Variants in GALNTL6 observed in about 807,000 individuals in gnomAD.
The protein encoded by GALNTL6 is polypeptide N-acetylgalactosaminyltransferase-like 6.
A neutral mutation model predicts 73.7 loss-of-function variants in GALNTL6; 46 were observed. That is an observed-to-expected ratio of 0.62 (90% CI 0.49 to 0.80). The LOEUF (loss-of-function observed/expected upper bound fraction) is 0.80. GALNTL6 is among the 30% of genes least tolerant of loss of function. The probability of loss-of-function intolerance (pLI) is 0.00; values close to 1 mark genes in which losing one functional copy is unlikely to be tolerated. For synonymous variants in GALNTL6, 259 were observed against 263.7 expected, an observed-to-expected ratio of 0.98 and a Z score of 0.17; for missense variants, 604 against 755.0, an observed-to-expected ratio of 0.80 and a Z score of 2.34.
At chr4:172,811,995 T>C (rs1741326856) in intron 6 of GALNTL6, among the ~76,000 whole-genome samples, 1 of 146,418 alleles carries the variant, frequency 6.8e-6, no homozygotes, top group Non-Finnish European at 1.5e-5. Context: ...ATGAAAAGAA[T>C]GACTGGATGG....
At chr4:172,481,089 C>T (rs1028167244) in intron 5 of GALNTL6, among the ~76,000 whole-genome samples, 8 of 152,108 alleles carry the variant, frequency 5.3e-5, no homozygotes, top group Non-Finnish European at 1.0e-4. Context: ...GTGGTGTGTC[C>T]GGAGTTTGTT....
At chr4:172,973,020 C>G (rs1750650878) in intron 10 of GALNTL6, among the ~76,000 whole-genome samples, 1 of 152,178 alleles carries the variant, frequency 6.6e-6, no homozygotes, top group Non-Finnish European at 1.5e-5. Flanking sequence ...ATGTGCATTT[C>G]AGGATGTCCA....
At chr4:171,842,996 CATT>C (rs1408672385) in intron 2 of GALNTL6, among the ~76,000 whole-genome samples, 3 of 152,144 alleles carry the variant, frequency 2.0e-5, no homozygotes, top group South Asian at 4.1e-4. Flanking sequence ...AGACTGTCAT[CATT>C]GATTGGTAAC....
Position 172,730,142 on chromosome 4 carries a change from A to C in GALNTL6, c.554-79219A>C, listed in dbSNP as rs114110979. 4.4e-3 allele frequency among the ~76,000 whole-genome samples: 675 copies of C among 152,174 alleles called. 5 individuals carry two copies. Among genetic ancestry groups the C allele is most frequent in the African/African-American group, 0.016 (646 of 41,540 alleles). On this transcript the variant is annotated intron_variant, in intron 5 of 12. Coordinates refer to ENST00000506823, the MANE Select transcript of GALNTL6 (RefSeq NM_001034845.3). ...AACAGTTTTTTGATGGAGTCTTTCG[A>C]TTTTTCTAAATGTAAGAGTGTGTTT...
At chr4:172,047,070 T>A (rs187933365) in intron 2 of GALNTL6, among the ~76,000 whole-genome samples, 105 of 152,198 alleles carry the variant, frequency 6.9e-4, no homozygotes, top group African/African-American at 2.3e-3. Flanking sequence ...AAGGAGAAAA[T>A]GATTGGTTAT....
intron 5 of GALNTL6, among the ~76,000 whole-genome samples, chr4:172,758,367 T>C (rs1489479460): frequency 6.6e-6 from 1 of 152,098 alleles, no homozygotes; most frequent in Non-Finnish European, 1.5e-5. Flanking sequence ...AAACCCTGCC[T>C]CTACTAAAAA....
intron 10 of GALNTL6, among the ~76,000 whole-genome samples, chr4:172,982,470 A>C (rs1751110223): frequency 6.6e-6 from 1 of 152,246 alleles, no homozygotes; most frequent in South Asian, 2.1e-4. Flanking sequence ...CTATCAAAAC[A>C]GGCCCTGACA....
intron 5 of GALNTL6, among the ~76,000 whole-genome samples, chr4:172,485,126 C>G (rs1041078357): frequency 1.2e-4 from 18 of 152,024 alleles, no homozygotes; most frequent in African/African-American, 4.3e-4. Flanking sequence ...AATGGAGAAA[C>G]AAGTATCTTA....
At chr4:172,778,697 G>A (rs1739208175) in intron 5 of GALNTL6, among the ~76,000 whole-genome samples, 1 of 152,168 alleles carries the variant, frequency 6.6e-6, no homozygotes, top group African/African-American at 2.4e-5. Flanking sequence ...AAAATATAGA[G>A]GGAAGTCAAC....
At chr4:171,840,150 A>C (rs1488442411) in intron 2 of GALNTL6, among the ~76,000 whole-genome samples, 1 of 152,204 alleles carries the variant, frequency 6.6e-6, no homozygotes, top group East Asian at 1.9e-4. Context: ...GCTGGCTTAA[A>C]ATATATTCTG....
intron 5 of GALNTL6, among the ~76,000 whole-genome samples, chr4:172,571,364 A>G (rs338037): frequency 1 from 152,038 of 152,326 alleles, 75,879 homozygotes; most frequent in Middle Eastern, 1. Flanking sequence ...GAATAGAAAC[A>G]TCTCATAGGA....
intron 5 of GALNTL6, among the ~76,000 whole-genome samples, chr4:172,488,182 C>A (rs1255485787): frequency 6.6e-5 from 10 of 152,094 alleles, no homozygotes; most frequent in Admixed American, 6.6e-4. Context: ...CAAATGAACT[C>A]ATTGTGCCTT....
chr4:171,821,922 ATTGT>A (rs1734696029), intron 2 of GALNTL6, among the ~76,000 whole-genome samples: 3 of 151,984 alleles, frequency 2.0e-5, no homozygotes, highest in Admixed American at 2.0e-4. Context: ...TAATTTTTTT[ATTGT>A]TTATTACAAA....
chr4:171,979,361 AAACATAT>A (rs1739821152), intron 2 of GALNTL6, among the ~76,000 whole-genome samples: 2 of 152,202 alleles, frequency 1.3e-5, no homozygotes, highest in African/African-American at 4.8e-5. Flanking sequence ...GACCCTTTCA[AAACATAT>A]AACAATGATA....
At chr4:171,826,687 C>G (rs532936766) in intron 2 of GALNTL6, among the ~76,000 whole-genome samples, 1 of 152,086 alleles carries the variant, frequency 6.6e-6, no homozygotes. Flanking sequence ...TAGAAATTAG[C>G]TTAACACTCC....
intron 2 of GALNTL6, among the ~76,000 whole-genome samples, chr4:172,033,344 A>C (rs537765451): frequency 9.2e-5 from 14 of 152,128 alleles, no homozygotes; most frequent in African/African-American, 3.1e-4. Context: ...TTTTTTCTAT[A>C]GTGTAGAAGG....
At chr4:172,647,463 G>A (rs1178641579) in intron 5 of GALNTL6, among the ~76,000 whole-genome samples, 1 of 152,038 alleles carries the variant, frequency 6.6e-6, no homozygotes, top group Non-Finnish European at 1.5e-5. Context: ...AAGAGTAAAG[G>A]TACATAAACC....
At chr4:172,702,849 G>A (rs556453811) in intron 5 of GALNTL6, among the ~76,000 whole-genome samples, 1 of 151,948 alleles carries the variant, frequency 6.6e-6, no homozygotes, top group South Asian at 2.1e-4. Flanking sequence ...TATAAATGGT[G>A]TCTTTTCCTT....
chr4:172,707,909 T>G (rs999410329), intron 5 of GALNTL6, among the ~76,000 whole-genome samples: 1 of 152,102 alleles, frequency 6.6e-6, no homozygotes, highest in Non-Finnish European at 1.5e-5. Flanking sequence ...ACAGTTGGGC[T>G]ATGTAGGTCC....
Sources: allele counts gnomAD v4.1 joint callset (sites outside exome capture counted in the v4.1 genomes callset), GRCh38; gene constraint gnomAD v4.1.1; transcripts MANE v1.5; gene names NCBI Gene and HGNC (gene_info 2026-07-23, HGNC 2026-07-21).